Variants in LAMA2 observed in about 807,000 individuals in gnomAD.
LAMA2 encodes laminin subunit alpha 2, also known as laminin subunit alpha-2.
In LAMA2, 269 loss-of-function variants were observed where a neutral mutation model predicts 364.8. The ratio of observed to expected loss-of-function variants is 0.74; its 90% confidence interval spans 0.67 to 0.82. The LOEUF is 0.82. LAMA2 is among the 40% of genes least tolerant of loss of function. The probability of loss-of-function intolerance (pLI) is 0.00; values close to 1 mark genes in which losing one functional copy is unlikely to be tolerated. For missense variants in LAMA2, 3,807 were observed against 3,873.2 expected, an observed-to-expected ratio of 0.98 and a Z score of 0.45; for synonymous variants, 1,379 against 1,370.6, an observed-to-expected ratio of 1.01 and a Z score of -0.14.
chr6:129,319,008 T>C (rs1433509982), intron 27 of LAMA2, among the ~76,000 whole-genome samples: 1 of 152,254 alleles, frequency 6.6e-6, no homozygotes, highest in Non-Finnish European at 1.5e-5. Context: ...TATGTTATTT[T>C]CAATTATGAT....
chr6:128,962,139 C>CATATATATATATATAT (rs55906092), intron 1 of LAMA2, among the ~76,000 whole-genome samples: 8 of 38,098 alleles, frequency 2.1e-4, no homozygotes, highest in South Asian at 1.9e-3. Context: ...TCCTCTGGAC[C>CATATATATATATATAT]ATATATATAT....
intron 6 of LAMA2, 82 bp downstream of exon 6, chr6:129,147,130 C>T (rs1342130545): frequency 1.4e-5 from 13 of 908,908 alleles, no homozygotes; most frequent in African/African-American, 8.1e-5. Context: ...TGACAGAGAA[C>T]GCTGTAAATG....
Position 129,190,229 on chromosome 6 carries a change from AGTC to A in LAMA2, c.1495_1497del (p.Arg499del). On this transcript the variant is annotated inframe_deletion, in exon 11 of 65. Transcript: ENST00000421865. ...GGAAAATGTTGAAGGAGGAGACTGTAGTCGTTGCAAATCCGGCTTCTTCAATTT... is the reference window on the plus strand; with the variant it reads ...GGAAAATGTTGAAGGAGGAGACTGTAGTTGCAAATCCGGCTTCTTCAATTT... The A allele has an allele frequency of 6.2e-7, 1 of 1,613,692 alleles. No individual in the cohort carries two copies. The highest frequency in any genetic ancestry group is 8.5e-7 in the Non-Finnish European group (1 of 1,179,604).
chr6:129,167,482 G>A (rs1393554526), intron 9 of LAMA2, among the ~76,000 whole-genome samples: 3 of 151,922 alleles, frequency 2.0e-5, no homozygotes, highest in Non-Finnish European at 2.9e-5. Flanking sequence ...CCCTACAAAG[G>A]ACATGAACTC....
chr6:129,053,357 G>A (rs185417513), intron 2 of LAMA2, among the ~76,000 whole-genome samples: 42 of 152,224 alleles, frequency 2.8e-4, no homozygotes, highest in African/African-American at 8.7e-4. Context: ...GAGCCACTGC[G>A]CCCGGCCGAC....
chr6:129,247,459 A>T (rs1340238331), intron 12 of LAMA2, among the ~76,000 whole-genome samples: 1 of 152,188 alleles, frequency 6.6e-6, no homozygotes, highest in Non-Finnish European at 1.5e-5. Context: ...TCAAAAAATA[A>T]AGAAAGACAG....
rs1203943955 is a variant in LAMA2, at chr6:129,439,587, T to A, written c.6085+825T>A. Among the ~76,000 whole-genome samples, 3 of 152,070 alleles carry A rather than the reference T, an allele frequency of 2.0e-5. No homozygotes were observed. The South Asian group carries it at 6.2e-4, about 31-fold the overall frequency. ...CAAAAACATTAGTGGTCAAACCATG[T>A]CTGTAATATCTTTCTACCTATTAGA... On this transcript the variant is annotated intron_variant, in intron 42 of 64. Transcript: ENST00000421865.
intron 8 of LAMA2, among the ~76,000 whole-genome samples, chr6:129,161,419 T>G (rs2114987436): frequency 6.6e-6 from 1 of 152,306 alleles, no homozygotes. Context: ...GTCACAAAAT[T>G]TTTGTTCCCA....
Position 129,372,696 on chromosome 6 carries a change from T to G in LAMA2, c.4959+2706T>G, listed in dbSNP as rs372167383. Among the ~76,000 whole-genome samples, 5 of 152,224 alleles carry G rather than the reference T, an allele frequency of 3.3e-5. No homozygotes were observed. In the East Asian group the frequency reaches 7.7e-4, roughly 23 times the overall value. On this transcript the variant is annotated intron_variant, in intron 34 of 64. Coordinates refer to ENST00000421865, the MANE Select transcript of LAMA2 (RefSeq NM_000426.4). ...TGATTGCTGGATGGTATGGTAAGAG[T>G]ATATTTAGTTTTGAAAGAAATTACC...
intron 41 of LAMA2, among the ~76,000 whole-genome samples, chr6:129,437,616 C>T (rs532714208): frequency 6.6e-6 from 1 of 152,002 alleles, no homozygotes; most frequent in East Asian, 1.9e-4. Context: ...AAAAATTTAC[C>T]TAAAAAATGA....
chr6:129,427,910 G>A, intron 41 of LAMA2, 56 bp downstream of exon 41: 2 of 1,038,626 alleles, frequency 1.9e-6, no homozygotes, highest in Non-Finnish European at 3.0e-6. Flanking sequence ...TTACTGATAA[G>A]ATATTCTATC....
intron 40 of LAMA2, among the ~76,000 whole-genome samples, chr6:129,413,046 G>A (rs746944682): frequency 2.6e-5 from 4 of 152,152 alleles, no homozygotes; most frequent in South Asian, 4.1e-4. Flanking sequence ...AAAGGGATTC[G>A]TCTATGTATG....
intron 1 of LAMA2, among the ~76,000 whole-genome samples, chr6:128,915,616 G>A (rs543701286): frequency 4.6e-5 from 7 of 152,262 alleles, no homozygotes; most frequent in Admixed American, 1.3e-4. Flanking sequence ...GAGCACTATT[G>A]AAGTGTGTTT....
intron 29 of LAMA2, among the ~76,000 whole-genome samples, chr6:129,337,428 A>C (rs977119397): frequency 3.3e-5 from 5 of 152,188 alleles, no homozygotes; most frequent in Non-Finnish European, 7.4e-5. Flanking sequence ...TTCCCTAGGA[A>C]AAGGGAATTA....
intron 10 of LAMA2, among the ~76,000 whole-genome samples, chr6:129,189,791 T>C (rs1361433120): frequency 6.6e-6 from 1 of 152,168 alleles, no homozygotes; most frequent in African/African-American, 2.4e-5. Context: ...ATGTCTTTAA[T>C]TTTACCATGA....
chr6:129,319,987 G>A (rs1367843553), intron 27 of LAMA2, among the ~76,000 whole-genome samples: 1 of 152,032 alleles, frequency 6.6e-6, no homozygotes, highest in Non-Finnish European at 1.5e-5. Flanking sequence ...ACAATAATTA[G>A]CTGGGCGTGG....
rs566664878 is a variant in LAMA2 at position 129,450,824 on chromosome 6, A to C, written c.6430-2164A>C. On this transcript the variant is annotated intron_variant, in intron 45 of 64. Transcript: ENST00000421865. ...ACTATGCTATTCAGTTCTACTCATG[A>C]ATTCCAGTCAGATCTTGATTTCTTG... is the stretch of plus-strand genomic sequence containing the variant. 2.6e-5 allele frequency among the ~76,000 whole-genome samples: 4 copies of C among 152,276 alleles called. No individual in the cohort carries two copies. The South Asian group carries it at 8.3e-4, about 32-fold the overall frequency.
intron 4 of LAMA2, among the ~76,000 whole-genome samples, chr6:129,104,305 C>G (rs1775698724): frequency 6.6e-6 from 1 of 152,056 alleles, no homozygotes; most frequent in South Asian, 2.1e-4. Flanking sequence ...CATGCCTGGC[C>G]CAGAGGAATT....
intron 58 of LAMA2, among the ~76,000 whole-genome samples, chr6:129,500,154 C>T (rs1192237330): frequency 6.6e-6 from 1 of 152,106 alleles, no homozygotes. Flanking sequence ...TTGTACAAAA[C>T]ACTACCAAAT....
Sources: allele counts gnomAD v4.1 joint callset (sites outside exome capture counted in the v4.1 genomes callset), GRCh38; gene constraint gnomAD v4.1.1; transcripts MANE v1.5; gene names NCBI Gene and HGNC (gene_info 2026-07-23, HGNC 2026-07-21).